ZNF135: variants seen among roughly 807,000 people sequenced by gnomAD.
ZNF135 encodes zinc finger protein 135 (clone pHZ-17).
ZNF135 carries 11 observed loss-of-function variants against 12.3 expected under a neutral mutation model. That is an observed-to-expected ratio of 0.89 (90% CI 0.56 to 1.48). ZNF135 has a LOEUF of 1.48. Among genes scored for constraint, ZNF135 ranks in the 40% most tolerant of loss-of-function variants. ZNF135 has a pLI of 0.00. For synonymous variants in ZNF135, 316 were observed against 312.0 expected (o/e 1.01, Z -0.14); for missense variants, 722 against 815.7 (o/e 0.89, Z 1.40).
Position 58,059,347 on chromosome 19 carries a change from G to GGCCGT in ZNF135, c.-35+41_-35+42insTGCCG, listed in dbSNP as rs2073924192. ...CGGCGAGGAGGGGGAGGGGAGGCCA[G>GGCCGT]GCCGGGCCGGGCCGGGCCGGGTGCG... On this transcript the variant is annotated intron_variant, in intron 1 of 4. Coordinates refer to ENST00000313434, the MANE Select transcript of ZNF135 (RefSeq NM_001289401.2). The surrounding 1 kb of genome is among the most constrained non-coding windows in gnomAD (Gnocchi z 6.5). 2 of 988,950 alleles carry GGCCGT rather than the reference G, an allele frequency of 2.0e-6. No individual in the cohort carries two copies. Among genetic ancestry groups the GGCCGT allele is most frequent in the Non-Finnish European group, 2.6e-6 (2 of 763,766 alleles). 61.3% of individuals were successfully genotyped at this position (988,950 alleles called of 1,614,324 possible).
chr19:58,059,429 C>G lies in ZNF135; in HGVS notation c.-35+119C>G. 1 of 1,105,682 alleles carries G rather than the reference C, an allele frequency of 9.0e-7. No individual in the cohort carries two copies. The highest frequency in any genetic ancestry group is 1.2e-6 in the Non-Finnish European group (1 of 816,584). 68.5% of individuals were successfully genotyped at this position (1,105,682 alleles called of 1,614,324 possible). On this transcript the variant is annotated intron_variant, in intron 1 of 4. Coordinates refer to ENST00000313434, the MANE Select transcript of ZNF135 (RefSeq NM_001289401.2). The surrounding 1 kb of genome is among the most constrained non-coding windows in gnomAD (Gnocchi z 6.5). The stretch of plus-strand genomic sequence containing the variant: ...GGGGCGAGTTTCCAGCAGCGCGCGT[C>G]TGTGTGGAGTCCGTTTTGCTGCCCG...
rs2228278 is a variant in ZNF135 at position 58,068,033 on chromosome 19, A to G, written c.1549A>G (p.Thr517Ala). 67 of 1,613,890 alleles carry G rather than the reference A, an allele frequency of 4.2e-5. No individual in the cohort carries two copies. The highest frequency in any genetic ancestry group is 5.4e-5 in the Non-Finnish European group (64 of 1,180,020). The change falls in exon 5 of 5, where the codon ACT (threonine) becomes GCT (alanine). Residue 517 changes from threonine (T) to alanine (A), a missense_variant. Thr to Ala is a moderately conservative substitution (Grantham distance 58, BLOSUM62 0). Coordinates refer to ENST00000313434, the MANE Select transcript of ZNF135 (RefSeq NM_001289401.2). ...SSLTKHQRIH[T>A]GEKPYECNQC... is the part of the protein sequence containing the mutation. The stretch of plus-strand genomic sequence containing the variant: ...CCTCACCAAACATCAGCGAATCCAC[A>G]CTGGGGAGAAGCCCTACGAATGCAA...
In ZNF135 at chr19:58,059,323, G is replaced by A. The variant is rs763653783; in HGVS notation, c.-35+13G>A. The A allele has an allele frequency of 3.2e-6, 5 of 1,547,430 alleles. No homozygotes were observed. The highest frequency in any genetic ancestry group is 1.8e-5 in the Admixed American group (1 of 55,022). On this transcript the variant is annotated intron_variant, in intron 1 of 4. Coordinates refer to ENST00000313434, the MANE Select transcript of ZNF135 (RefSeq NM_001289401.2). The surrounding 1 kb of genome is among the most constrained non-coding windows in gnomAD (Gnocchi z 6.5). ...CGCAGTCAGGAGGGTGAGCTAGGCCGGCGAGGAGGGGGAGGGGAGGCCAGG... is the reference window on the plus strand; with the variant it reads ...CGCAGTCAGGAGGGTGAGCTAGGCCAGCGAGGAGGGGGAGGGGAGGCCAGG...
chr19:58,067,191 A>C lies in ZNF135; in HGVS notation c.707A>C (p.His236Pro). The C allele has an allele frequency of 1.9e-6, 3 of 1,614,134 alleles. No homozygotes were observed. The highest frequency in any genetic ancestry group is 2.5e-6 in the Non-Finnish European group (3 of 1,179,944). The stretch of plus-strand genomic sequence containing the variant: ...GCACTTATCGAACACCACCGGACGC[A>C]CACAGGAGAGAGACCTTACGAATGT... ...SSALIEHHRT[H>P]TGERPYECHE... The change falls in exon 5 of 5, where the codon CAC (histidine) becomes CCC (proline). Residue 236 changes from histidine (H) to proline (P), a missense_variant. By Grantham distance (77) the His-to-Pro change is moderately conservative. Transcript: ENST00000313434.
chr19:58,060,093 G>GCGGCCTTCTCACGCC lies in ZNF135; in HGVS notation c.33+65_33+79dup. ...CACCTCGTGCCCGGCCTCCTCGCGC[G>GCGGCCTTCTCACGCC]CGGCCTTCTCACGCCCGGCCTCCTC... On this transcript the variant is annotated intron_variant, in intron 2 of 4. Coordinates refer to ENST00000313434, the MANE Select transcript of ZNF135 (RefSeq NM_001289401.2). The surrounding 1 kb of genome is among the most constrained non-coding windows in gnomAD (Gnocchi z 4.9). The GCGGCCTTCTCACGCC allele has an allele frequency of 1.2e-6, 2 of 1,606,326 alleles. No individual in the cohort carries two copies. Among genetic ancestry groups the GCGGCCTTCTCACGCC allele is most frequent in the South Asian group, 2.2e-5 (2 of 90,838 alleles).
Position 58,067,553 on chromosome 19 carries a change from GGTGA to G in ZNF135, c.1073_1076del (p.Glu358ValfsTer11). 6.2e-7 allele frequency: 1 copy of G among 1,611,896 alleles called. No homozygotes were observed. Among genetic ancestry groups the G allele is most frequent in the Non-Finnish European group, 8.5e-7 (1 of 1,179,392 alleles). Reference sequence around the variant, plus strand: ...CACTGGGGAGAAACCCTATCAGTGTGGTGAGTGTGGCAAGGCCTTCAGCCACAGC... The same window carrying G: ...CACTGGGGAGAAACCCTATCAGTGTGGTGTGGCAAGGCCTTCAGCCACAGC... On this transcript the variant is annotated frameshift_variant, in exon 5 of 5. Coordinates refer to ENST00000313434, the MANE Select transcript of ZNF135 (RefSeq NM_001289401.2). LOFTEE classifies it low-confidence loss of function (END_TRUNC).
rs2074051806 is a variant in ZNF135, at chr19:58,065,560, T to TCCATCTTCA, written c.257-1179_257-1171dup. ...CCCACATTCCTTGGCTATGGCCTTG[T>TCCATCTTCA]CCATCTTCACAGTCAGCAAGGCCTG... On this transcript the variant is annotated intron_variant, in intron 4 of 4. Coordinates refer to ENST00000313434, the MANE Select transcript of ZNF135 (RefSeq NM_001289401.2). The surrounding 1 kb of genome is among the most constrained non-coding windows in gnomAD (Gnocchi z 4.0). 6.6e-6 allele frequency among the ~76,000 whole-genome samples: 1 copy of TCCATCTTCA among 152,180 alleles called. No homozygotes were observed. Among genetic ancestry groups the TCCATCTTCA allele is most frequent in the Admixed American group, 6.5e-5 (1 of 15,272 alleles).
In ZNF135 at chr19:58,068,461, A is replaced by G; in HGVS notation, c.1977A>G (p.Ter659=). 1 of 1,613,120 alleles carries G rather than the reference A, an allele frequency of 6.2e-7. No individual in the cohort carries two copies. The highest frequency in any genetic ancestry group is 8.5e-7 in the Non-Finnish European group (1 of 1,179,438). The change falls in exon 5 of 5, where the codon TAA becomes TAG. Residue 659 remains the stop codon, a stop_retained_variant. Transcript: ENST00000313434. ...LTKHQRTHTG[*] ...AGCACCAGAGAACTCACACTGGATA[A>G]ACCCACTCCACATGTGCTGGGGACA...
intron 4 of ZNF135, 181 bp from the exon 5 acceptor site, chr19:58,066,560 A>G: frequency 2.7e-6 from 2 of 728,918 alleles, no homozygotes; most frequent in Non-Finnish European, 4.4e-6. Context: ...CCTCTTCCTT[A>G]TTCTGTGTTT....
chr19:58,060,524 T>G lies in ZNF135; in HGVS notation c.33+489T>G. 7.2e-6 allele frequency: 6 copies of G among 837,780 alleles called. No homozygotes were observed. Among genetic ancestry groups the G allele is most frequent in the African/African-American group, 1.8e-5 (1 of 54,334 alleles). 51.9% of individuals were successfully genotyped at this position (837,780 alleles called of 1,614,324 possible). On this transcript the variant is annotated intron_variant, in intron 2 of 4. Coordinates refer to ENST00000313434, the MANE Select transcript of ZNF135 (RefSeq NM_001289401.2). The surrounding 1 kb of genome is among the most constrained non-coding windows in gnomAD (Gnocchi z 4.9). ...CTCTGCAGTCTGAAGTTGAAGGCCT[T>G]AGCATGCTCTGCGCTCCAAGATGGC...
Position 58,063,735 on chromosome 19 carries a change from G to T in ZNF135, c.256+194G>T. The T allele has an allele frequency of 2.2e-6, 3 of 1,357,432 alleles. No homozygotes were observed. The highest frequency in any genetic ancestry group is 2.9e-6 in the Non-Finnish European group (3 of 1,045,798). The allele number at this position is 1,357,432 out of a possible 1,614,324, so 84.1% of individuals were successfully genotyped here. The stretch of plus-strand genomic sequence containing the variant: ...CACTGAATTTATATTCTTGGTGAGG[G>T]AGTGGGGGAAACAAACAATAAATCG... On this transcript the variant is annotated intron_variant, in intron 4 of 4. Transcript: ENST00000313434. The surrounding 1 kb of genome is among the most constrained non-coding windows in gnomAD (Gnocchi z 4.4).
Position 58,060,131 on chromosome 19 carries a change from C to T in ZNF135, c.33+96C>T. 1 of 1,588,412 alleles carries T rather than the reference C, an allele frequency of 6.3e-7. No individual in the cohort carries two copies. The highest frequency in any genetic ancestry group is 1.1e-5 in the South Asian group (1 of 89,700). ...GCCCGGCCTCCTCTTTGCACCCCGT[C>T]CCTACTCGCGCTCAGCCTCCTCCTT... On this transcript the variant is annotated intron_variant, in intron 2 of 4. Transcript: ENST00000313434. This position sits in a 1 kb window ranked among gnomAD's most constrained non-coding sequence, Gnocchi z 4.9.
In ZNF135 at chr19:58,063,843, C is replaced by A; in HGVS notation, c.256+302C>A. 4.7e-6 allele frequency: 2 copies of A among 421,540 alleles called. No individual in the cohort carries two copies. The highest frequency in any genetic ancestry group is 6.4e-6 in the Non-Finnish European group (2 of 314,854). 26.1% of individuals were successfully genotyped at this position (421,540 alleles called of 1,614,324 possible). A position where few individuals can be genotyped will look rare whatever the true frequency, so the allele number is the denominator to read the frequency against. Reference sequence around the variant, plus strand: ...AAATGAAAATGAGCAATGAGGTAGACTAGGAGGGGGATGAGTAGACTTTAG... The same window carrying A: ...AAATGAAAATGAGCAATGAGGTAGAATAGGAGGGGGATGAGTAGACTTTAG... On this transcript the variant is annotated intron_variant, in intron 4 of 4. Transcript: ENST00000313434. The surrounding 1 kb of genome is among the most constrained non-coding windows in gnomAD (Gnocchi z 4.4).
rs369344694 is a variant in ZNF135, at chr19:58,067,844, A to G, written c.1360A>G (p.Ser454Gly). ...GKTFSHSSSL[S>G]QHERTHTGEK... Reference sequence around the variant, plus strand: ...AACCTTCAGCCACAGCTCCTCACTCAGCCAGCATGAGCGGACACACACAGG... The same window carrying G: ...AACCTTCAGCCACAGCTCCTCACTCGGCCAGCATGAGCGGACACACACAGG... The change falls in exon 5 of 5, where the codon AGC becomes GGC. Residue 454 changes from serine (S) to glycine (G), a missense_variant. Physicochemically the swap from Ser to Gly is moderately conservative, Grantham distance 56. Transcript: ENST00000313434. 1.2e-6 allele frequency: 2 copies of G among 1,613,594 alleles called. No individual in the cohort carries two copies. Among genetic ancestry groups the G allele is most frequent in the Non-Finnish European group, 1.7e-6 (2 of 1,179,952 alleles).
chr19:58,067,581 G>A lies in ZNF135; in HGVS notation c.1097G>A (p.Ser366Asn). Residue 366 changes from serine to asparagine, a missense_variant, in exon 5 of 5, where the codon AGC (serine) becomes AAC (asparagine). Transcript: ENST00000313434. Reference protein sequence around the residue: ...CGECGKAFSHSSSLTKHQRIH... With the variant: ...CGECGKAFSHNSSLTKHQRIH... ...GAGTGTGGCAAGGCCTTCAGCCACA[G>A]CTCATCCTTGACCAAACACCAGCGA... The A allele has an allele frequency of 6.2e-7, 1 of 1,614,004 alleles. No individual in the cohort carries two copies. The highest frequency in any genetic ancestry group is 8.5e-7 in the Non-Finnish European group (1 of 1,179,972).
chr19:58,062,132 G>T (rs2073992093), intron 3 of ZNF135, among the ~76,000 whole-genome samples: 1 of 152,216 alleles, frequency 6.6e-6, no homozygotes, highest in African/African-American at 2.4e-5. Flanking sequence ...GGAAGCCTAA[G>T]ATCAAGGTGT....
chr19:58,061,648 C>A lies in ZNF135; in HGVS notation c.102C>A (p.Ala34=), dbSNP rs780912891. ...AGGAGTGGGGGCAGCTGAAGCCTGC[C>A]CAGAGGACCCTGTACCGTGATGTAA... ...SQEEWGQLKP[A]QRTLYRDVML... The change falls in exon 3 of 5, where the codon GCC becomes GCA. Residue 34 remains alanine, a synonymous_variant. Transcript: ENST00000313434. 1.2e-6 allele frequency: 2 copies of A among 1,613,418 alleles called. No individual in the cohort carries two copies. The highest frequency in any genetic ancestry group is 3.3e-5 in the Admixed American group (2 of 59,920).
chr19:58,064,312 GT>G (rs1437597453), intron 4 of ZNF135, among the ~76,000 whole-genome samples: 1 of 152,086 alleles, frequency 6.6e-6, no homozygotes, highest in East Asian at 1.9e-4. Context: ...CCTGCAACCA[GT>G]TACAAATGAC....
In ZNF135 at chr19:58,059,904, C is replaced by T. The variant is rs1027760990; in HGVS notation, c.-34-65C>T. 1.9e-6 allele frequency: 3 copies of T among 1,584,870 alleles called. No homozygotes were observed. The African/African-American group carries it at 4.0e-5, about 21-fold the overall frequency. ...GAGCTCCCCAGGCTCTGGCGCAGTT[C>T]CCCGGCTTGGGGACCTGAGCACCGC... is the stretch of plus-strand genomic sequence containing the variant. On this transcript the variant is annotated intron_variant, in intron 1 of 4. Transcript: ENST00000313434. The surrounding 1 kb of genome is among the most constrained non-coding windows in gnomAD (Gnocchi z 6.5).
Sources: gnomAD v4.1 joint callset for allele counts (sites outside exome capture counted in the v4.1 genomes callset) on GRCh38, gnomAD v4.1.1 for gene constraint, Gnocchi (gnomAD v3.1) non-coding constraint, MANE v1.5 for transcripts, NCBI Gene and HGNC (gene_info 2026-07-23, HGNC 2026-07-21) for gene names.